Variants in INVS observed in about 807,000 individuals in gnomAD.
INVS encodes the protein inversion of embryo turning homolog.
INVS carries 86 observed loss-of-function variants against 108.8 expected under a neutral mutation model. That is an observed-to-expected ratio of 0.79 (90% CI 0.66 to 0.95). The LOEUF (loss-of-function observed/expected upper bound fraction) is 0.95. Ranked by LOEUF, INVS falls within the 40% of genes least tolerant of loss-of-function variation. The pLI is 0.00. For missense variants in INVS, 1,169 were observed against 1,297.4 expected (o/e 0.90, Z 1.52); for synonymous variants, 455 against 473.5 (o/e 0.96, Z 0.51).
At chr9:100,237,333 C>A (rs1204418114) in intron 5 of INVS, among the ~76,000 whole-genome samples, 1 of 152,118 alleles carries the variant, frequency 6.6e-6, no homozygotes, top group Non-Finnish European at 1.5e-5. Context: ...CCACTTGGCT[C>A]CCTGGCTTCA....
At chr9:100,202,374 G>A (rs986267761) in intron 3 of INVS, among the ~76,000 whole-genome samples, 7 of 152,138 alleles carry the variant, frequency 4.6e-5, no homozygotes, top group Non-Finnish European at 7.4e-5. Flanking sequence ...CATAGAATGA[G>A]AACCCAGAGA....
At chr9:100,192,255 G>GT (rs1830245674) in intron 3 of INVS, among the ~76,000 whole-genome samples, 1 of 150,958 alleles carries the variant, frequency 6.6e-6, no homozygotes, top group South Asian at 2.1e-4. Flanking sequence ...AAGAGTGTGT[G>GT]TGTGTGTGTG....
chr9:100,161,192 A>G (rs1470594550), intron 3 of INVS, among the ~76,000 whole-genome samples: 17 of 151,490 alleles, frequency 1.1e-4, no homozygotes, highest in African/African-American at 4.1e-4. Context: ...TCTGGCCAAC[A>G]TGGTGAAACT....
intron 16 of INVS, chr9:100,298,460 G>A (rs1028516963): frequency 1.6e-4 from 65 of 396,876 alleles, no homozygotes; most frequent in Non-Finnish European, 2.2e-4. Flanking sequence ...TACAGGAGAA[G>A]CTCAGGGAAC....
At chr9:100,215,773 G>T (rs993522221) in intron 3 of INVS, among the ~76,000 whole-genome samples, 1 of 152,190 alleles carries the variant, frequency 6.6e-6, no homozygotes, top group African/African-American at 2.4e-5. Context: ...ATGGTGGAAA[G>T]GCACGAGGTG....
chr9:100,134,403 A>G (rs894571502), intron 3 of INVS, among the ~76,000 whole-genome samples: 1 of 152,160 alleles, frequency 6.6e-6, no homozygotes, highest in Non-Finnish European at 1.5e-5. Context: ...TGCTATAAAC[A>G]TGTGTGAGCA....
chr9:100,211,421 TAGTC>T (rs1398556485), intron 3 of INVS, among the ~76,000 whole-genome samples: 3 of 152,210 alleles, frequency 2.0e-5, no homozygotes, highest in East Asian at 3.8e-4. Flanking sequence ...TAGGCTATAT[TAGTC>T]AGGAAGAGCA....
intron 3 of INVS, among the ~76,000 whole-genome samples, chr9:100,139,428 A>T (rs544588317): frequency 6.6e-6 from 1 of 152,030 alleles, no homozygotes. Flanking sequence ...AGTTTCGGCT[A>T]TTTTCCCTCA....
chr9:100,299,462 G>A (rs527867822), intron 16 of INVS, among the ~76,000 whole-genome samples: 10 of 151,602 alleles, frequency 6.6e-5, no homozygotes, highest in African/African-American at 1.7e-4. Flanking sequence ...GTATTTGGGA[G>A]GCAGCAAATC....
rs900550541 is a variant in INVS at position 100,272,309 on chromosome 9, T to A, written c.1572-555T>A. Among the ~76,000 whole-genome samples the A allele has an allele frequency of 2.0e-5, 3 of 152,212 alleles. No individual in the cohort carries two copies. In the South Asian group the frequency reaches 6.2e-4, roughly 31 times the overall value. The stretch of plus-strand genomic sequence containing the variant: ...TTGCTCTATCCAGAATTTATTTTGG[T>A]ATAAAATGTGGTTATAAGAATCTCT... On this transcript the variant is annotated intron_variant, in intron 11 of 16. Transcript: ENST00000262457.
chr9:100,170,207 A>G (rs1829492487), intron 3 of INVS, among the ~76,000 whole-genome samples: 1 of 152,206 alleles, frequency 6.6e-6, no homozygotes. Flanking sequence ...CTAGAGCTCT[A>G]TCTGTGGAAG....
chr9:100,195,782 C>G (rs955556337), intron 3 of INVS, among the ~76,000 whole-genome samples: 1 of 152,240 alleles, frequency 6.6e-6, no homozygotes, highest in African/African-American at 2.4e-5. Flanking sequence ...GCCACCACAC[C>G]TGGCCACATC....
intron 3 of INVS, among the ~76,000 whole-genome samples, chr9:100,147,409 T>C (rs1828653368): frequency 6.6e-6 from 1 of 152,214 alleles, no homozygotes; most frequent in South Asian, 2.1e-4. Flanking sequence ...CTCAAGCATA[T>C]GAAAATATGT....
At chr9:100,188,192 G>A (rs1308612264) in intron 3 of INVS, among the ~76,000 whole-genome samples, 1 of 152,090 alleles carries the variant, frequency 6.6e-6, no homozygotes, top group Non-Finnish European at 1.5e-5. Context: ...TGATTGCTCT[G>A]GTTAGGACTT....
At chr9:100,295,010 C>A (rs1191573552) in intron 14 of INVS, among the ~76,000 whole-genome samples, 1 of 152,226 alleles carries the variant, frequency 6.6e-6, no homozygotes, top group Non-Finnish European at 1.5e-5. Context: ...TGAGCCAAGA[C>A]AGTCGGCCTC....
chr9:100,259,043 C>T (rs770258955), intron 10 of INVS, among the ~76,000 whole-genome samples: 2 of 152,202 alleles, frequency 1.3e-5, no homozygotes, highest in African/African-American at 4.8e-5. Flanking sequence ...GGTAGGCCTC[C>T]TTGAGCTGCG....
intron 4 of INVS, among the ~76,000 whole-genome samples, chr9:100,227,115 A>G (rs1831352892): frequency 6.6e-6 from 1 of 152,238 alleles, no homozygotes; most frequent in Non-Finnish European, 1.5e-5. Context: ...GCATAGTATT[A>G]CATTTCAGTA....
Position 100,298,175 on chromosome 9 carries a change from G to A in INVS, c.3091+165G>A. The A allele has an allele frequency of 2.0e-6, 3 of 1,520,478 alleles. No homozygotes were observed. The East Asian group carries it at 7.4e-5, about 37-fold the overall frequency. 94.2% of individuals were successfully genotyped at this position (1,520,478 alleles called of 1,614,324 possible). A position where few individuals can be genotyped will look rare whatever the true frequency, so the allele number is the denominator to read the frequency against. On this transcript the variant is annotated intron_variant, in intron 16 of 16. Coordinates refer to ENST00000262457, the MANE Select transcript of INVS (RefSeq NM_014425.5). Reference sequence around the variant, plus strand: ...CTGTAGCCAACATCTGTCTCCCTAAGAGGCAAATTATTTTCACAACTAAAA... The same window carrying A: ...CTGTAGCCAACATCTGTCTCCCTAAAAGGCAAATTATTTTCACAACTAAAA...
chr9:100,110,655 G>C (rs955489275), intron 2 of INVS, among the ~76,000 whole-genome samples: 2 of 152,054 alleles, frequency 1.3e-5, no homozygotes, highest in Non-Finnish European at 2.9e-5. Context: ...TTTAAGAGCT[G>C]AAATGCAATA....
Sources: allele counts gnomAD v4.1 joint callset (sites outside exome capture counted in the v4.1 genomes callset), GRCh38; gene constraint gnomAD v4.1.1; transcripts MANE v1.5; gene names NCBI Gene and HGNC (gene_info 2026-07-23, HGNC 2026-07-21).